MINDY3: variants seen among roughly 807,000 people sequenced by gnomAD.
MINDY3 encodes the protein MINDY lysine 48 deubiquitinase 3, also known as ubiquitin carboxyl-terminal hydrolase MINDY-3.
Under a neutral mutation model 69.2 loss-of-function variants are expected in MINDY3, and 38 were observed. The observed-to-expected ratio is 0.55, with a 90% CI of 0.42 to 0.72. The LOEUF is 0.72. Ranked by LOEUF, MINDY3 falls within the 30% of genes least tolerant of loss-of-function variation. MINDY3 has a pLI of 0.00. For missense variants in MINDY3, 522 were observed against 519.0 expected (o/e 1.01, Z -0.06); for synonymous variants, 192 against 180.1 (o/e 1.07, Z -0.53).
chr10:15,823,563 ATT>A (rs752357138), intron 8 of MINDY3, among the ~76,000 whole-genome samples: 17 of 152,226 alleles, frequency 1.1e-4, no homozygotes, highest in Admixed American at 8.5e-4. Context: ...TAATGAGTAT[ATT>A]TTGTTTTTTT....
intron 10 of MINDY3, among the ~76,000 whole-genome samples, chr10:15,798,763 G>C (rs1838032575): frequency 6.8e-6 from 1 of 146,612 alleles, no homozygotes. Flanking sequence ...CTGGGCAACA[G>C]GGCAAGACTC....
chr10:15,795,735 T>A (rs1837768329), intron 11 of MINDY3, among the ~76,000 whole-genome samples: 3 of 152,060 alleles, frequency 2.0e-5, no homozygotes, highest in South Asian at 2.1e-4. Flanking sequence ...GGAGGTCAAT[T>A]ATACAGAAAT....
intron 7 of MINDY3, 105 bp from the exon 8 acceptor site, chr10:15,833,814 A>G: frequency 1.3e-6 from 1 of 771,554 alleles, no homozygotes; most frequent in Non-Finnish European, 2.2e-6. Flanking sequence ...AAATTATGTA[A>G]GAATTTACAA....
intron 4 of MINDY3, 101 bp downstream of exon 4, chr10:15,841,323 CAT>C: frequency 3.5e-6 from 3 of 868,972 alleles, no homozygotes; most frequent in Non-Finnish European, 3.5e-6. Flanking sequence ...GAAAAGAATA[CAT>C]GTTATGAAAA....
At chr10:15,834,128 GT>G (rs901788367) in intron 7 of MINDY3, among the ~76,000 whole-genome samples, 3 of 151,900 alleles carry the variant, frequency 2.0e-5, no homozygotes, top group African/African-American at 7.2e-5. Context: ...AACTATCACT[GT>G]TTCATTGAGT....
chr10:15,851,292 A>G (rs1834279119), intron 1 of MINDY3, among the ~76,000 whole-genome samples: 1 of 152,116 alleles, frequency 6.6e-6, no homozygotes, highest in Admixed American at 6.5e-5. Flanking sequence ...TGTTATAACC[A>G]TGTAATTCCC....
At chr10:15,841,880 T>C (rs966199604) in intron 3 of MINDY3, among the ~76,000 whole-genome samples, 5 of 151,762 alleles carry the variant, frequency 3.3e-5, no homozygotes, top group Non-Finnish European at 5.9e-5. Flanking sequence ...AATGTGACAC[T>C]GATCATCACT....
chr10:15,815,084 G>A (rs956224491), intron 10 of MINDY3, among the ~76,000 whole-genome samples: 53 of 152,144 alleles, frequency 3.5e-4, no homozygotes, highest in African/African-American at 1.2e-3. Context: ...AGACAAACAT[G>A]ATTAAAAATT....
At chr10:15,840,368 T>C (rs916231696) in intron 4 of MINDY3, among the ~76,000 whole-genome samples, 2 of 151,636 alleles carry the variant, frequency 1.3e-5, no homozygotes, top group Non-Finnish European at 1.5e-5. Context: ...AAGCATCATA[T>C]AGCTGTTCAA....
intron 1 of MINDY3, among the ~76,000 whole-genome samples, chr10:15,851,168 G>T (rs988846659): frequency 6.6e-6 from 1 of 152,126 alleles, no homozygotes; most frequent in Non-Finnish European, 1.5e-5. Flanking sequence ...CTGTCTCCAT[G>T]ATCACTGCTT....
At position 15,781,317 on chromosome 10, in the gene MINDY3, C is replaced by G. The variant is rs145790227; in HGVS notation, c.1188+838G>C. ...TCTGTAACCTTCCACAATTTAGATA[C>G]ATGAAGTCAGCATGGGCAGATCAAA... is the stretch of plus-strand genomic sequence containing the variant. On this transcript the variant is annotated intron_variant, in intron 14 of 14. Transcript: ENST00000277632. Among the ~76,000 whole-genome samples, 246 of 151,118 alleles carry G rather than the reference C, an allele frequency of 1.6e-3. 1 individual carries two copies. Among genetic ancestry groups the G allele is most frequent in the African/African-American group, 5.7e-3 (237 of 41,336 alleles).
At chr10:15,842,378 T>C (rs1833532621) in intron 3 of MINDY3, among the ~76,000 whole-genome samples, 1 of 151,866 alleles carries the variant, frequency 6.6e-6, no homozygotes, top group African/African-American at 2.4e-5. Flanking sequence ...TACAAATGTT[T>C]TATCAAAGTG....
chr10:15,789,740 T>C (rs2131852216), intron 11 of MINDY3, among the ~76,000 whole-genome samples: 1 of 152,252 alleles, frequency 6.6e-6, no homozygotes, highest in East Asian at 1.9e-4. Context: ...TGTTATTTAG[T>C]TTCTTGAAGG....
intron 1 of MINDY3, among the ~76,000 whole-genome samples, chr10:15,852,074 A>G (rs1371730276): frequency 6.6e-6 from 1 of 152,156 alleles, no homozygotes; most frequent in Non-Finnish European, 1.5e-5. Flanking sequence ...TCATAGGGAT[A>G]TTTCCTTACA....
At chr10:15,848,035 T>G (rs1305527387) in intron 1 of MINDY3, 92 bp from the exon 2 acceptor site, 2 of 976,984 alleles carry the variant, frequency 2.0e-6, no homozygotes, top group East Asian at 4.9e-5. Flanking sequence ...GAATGATCAC[T>G]TATCACAACA....
intron 11 of MINDY3, among the ~76,000 whole-genome samples, chr10:15,795,791 A>T (rs1837774821): frequency 6.6e-6 from 1 of 152,016 alleles, no homozygotes; most frequent in Admixed American, 6.6e-5. Flanking sequence ...ATAAGTAAAG[A>T]AGAAAATGAT....
chr10:15,808,212 C>A (rs1838763847), intron 10 of MINDY3, among the ~76,000 whole-genome samples: 1 of 152,146 alleles, frequency 6.6e-6, no homozygotes, highest in Admixed American at 6.6e-5. Flanking sequence ...TATGATTAAA[C>A]TACAAGAACA....
At chr10:15,781,286 C>T (rs959266513) in intron 14 of MINDY3, among the ~76,000 whole-genome samples, 1 of 151,514 alleles carries the variant, frequency 6.6e-6, no homozygotes, top group African/African-American at 2.4e-5. Flanking sequence ...TTAATTTACA[C>T]TGTTTTCTGT....
chr10:15,857,045 C>T, intron 1 of MINDY3, among the ~76,000 whole-genome samples: 1 of 152,142 alleles, frequency 6.6e-6, no homozygotes, highest in Non-Finnish European at 1.5e-5. Context: ...CGAAGGACCC[C>T]TATTTCATGT....
Sources: gnomAD v4.1 joint callset for allele counts (sites outside exome capture counted in the v4.1 genomes callset) on GRCh38, gnomAD v4.1.1 for gene constraint, MANE v1.5 for transcripts, NCBI Gene and HGNC (gene_info 2026-07-23, HGNC 2026-07-21) for gene names.